Variants in PTPRZ1 observed in about 807,000 individuals in gnomAD.
PTPRZ1 encodes the protein protein tyrosine phosphatase receptor type Z1.
PTPRZ1 carries 82 observed loss-of-function variants against 214.1 expected under a neutral mutation model. The ratio of observed to expected loss-of-function variants is 0.38; its 90% CI spans 0.32 to 0.46. The LOEUF (loss-of-function observed/expected upper bound fraction) is 0.46. Ranked by LOEUF, PTPRZ1 falls within the 20% of genes least tolerant of loss-of-function variation. PTPRZ1 has a pLI of 1.00. For synonymous variants in PTPRZ1, 945 were observed against 987.9 expected (o/e 0.96, Z 0.81); for missense variants, 2,603 against 2,748.7 (o/e 0.95, Z 1.19).
intron 5 of PTPRZ1, 62 bp downstream of exon 5, chr7:121,976,330 G>T: frequency 1.0e-6 from 1 of 999,716 alleles, no homozygotes; most frequent in South Asian, 2.0e-5. Flanking sequence ...ATATTGACGT[G>T]AAATATCAAG....
At chr7:122,023,778 TA>T (rs1229913785) in intron 13 of PTPRZ1, among the ~76,000 whole-genome samples, 134 of 99,384 alleles carry the variant, frequency 1.3e-3, no homozygotes, top group Middle Eastern at 9.2e-3. Flanking sequence ...TTATATATAA[TA>T]TATATTATAT....
intron 23 of PTPRZ1, among the ~76,000 whole-genome samples, chr7:122,045,714 A>ACACACAC (rs1554369592): frequency 2.0e-5 from 3 of 150,984 alleles, no homozygotes; most frequent in Admixed American, 6.6e-5. Context: ...ACACACACAC[A>ACACACAC]ATATTACCCA....
At chr7:121,984,872 GT>G (rs1244868214) in intron 8 of PTPRZ1, among the ~76,000 whole-genome samples, 1 of 152,148 alleles carries the variant, frequency 6.6e-6, no homozygotes, top group East Asian at 1.9e-4. Flanking sequence ...GTCCTTTTCA[GT>G]TTTTACTGAG....
rs368081597 is a variant in PTPRZ1, at chr7:122,059,767, C to A, written c.6686C>A (p.Thr2229Lys). The A allele has an allele frequency of 2.5e-6, 4 of 1,610,048 alleles. No individual in the cohort carries two copies. The Admixed American group carries it at 5.1e-5, about 20-fold the overall frequency. ...TTTTTTACAAGGCATGGAGGAGTGACGGCAGGAACTTTCTGTGCTCTGACA... is the reference window on the plus strand; with the variant it reads ...TTTTTTACAAGGCATGGAGGAGTGAAGGCAGGAACTTTCTGTGCTCTGACA... ...MIVHDEHGGVTAGTFCALTTL... is the reference protein window; with the variant it reads ...MIVHDEHGGVKAGTFCALTTL... Residue 2229 changes from threonine (T) to lysine (K), a missense_variant, in exon 29 of 30, where the codon ACG becomes AAG. Around this residue, in one of 6 missense-constraint regions of PTPRZ1, gnomAD observed 165 missense variants for 151.4 expected, o/e 1.09. Transcript: ENST00000393386.
At chr7:121,997,164 T>C (rs926027461) in intron 9 of PTPRZ1, among the ~76,000 whole-genome samples, 1 of 152,142 alleles carries the variant, frequency 6.6e-6, no homozygotes, top group African/African-American at 2.4e-5. Context: ...TAGGGAAGTG[T>C]TGGCCATAGA....
Position 121,984,076 on chromosome 7 carries a change from T to G in PTPRZ1, c.887T>G (p.Val296Gly). The G allele has an allele frequency of 6.2e-7, 1 of 1,613,624 alleles. No individual in the cohort carries two copies. Among genetic ancestry groups the G allele is most frequent in the Non-Finnish European group, 8.5e-7 (1 of 1,179,708 alleles). ...REQQYKFSRQ[V>G]FSSYTGKEEI... ...CAACAGTACAAGTTCTCTAGACAGG[T>G]GTTTTCCTCATACACTGGAAAGGAA... is the stretch of plus-strand genomic sequence containing the variant. The change falls in exon 8 of 30, where the codon GTG becomes GGG. Residue 296 changes from valine (V) to glycine (G), a missense_variant. Physicochemically the swap from Val to Gly is moderately radical, Grantham distance 109. Transcript: ENST00000393386.
intron 8 of PTPRZ1, among the ~76,000 whole-genome samples, chr7:121,988,943 A>G (rs1464169978): frequency 1.3e-5 from 2 of 152,206 alleles, no homozygotes; most frequent in Non-Finnish European, 2.9e-5. Flanking sequence ...AGATCATTCC[A>G]GGAAAAGAAA....
chr7:121,981,796 A>G (rs1721856), intron 6 of PTPRZ1, among the ~76,000 whole-genome samples: 2 of 148,362 alleles, frequency 1.3e-5, no homozygotes, highest in South Asian at 4.2e-4. Context: ...GTGTGTGTGT[A>G]CACACACAAA....
intron 4 of PTPRZ1, 112 bp from the exon 5 acceptor site, chr7:121,976,058 AGTT>A (rs1797422314): frequency 3.4e-6 from 2 of 580,572 alleles, no homozygotes; most frequent in African/African-American, 3.6e-5. Context: ...TAGCAAATGT[AGTT>A]GTATACATGT....
At chr7:122,059,984 T>A in intron 29 of PTPRZ1, 96 bp downstream of exon 29, 1 of 1,196,488 alleles carries the variant, frequency 8.4e-7, no homozygotes, top group Non-Finnish European at 1.2e-6. Context: ...AAGATCTTAT[T>A]AACTGATAAC....
chr7:121,915,436 TA>T (rs1277815859), intron 1 of PTPRZ1, among the ~76,000 whole-genome samples: 1 of 152,188 alleles, frequency 6.6e-6, no homozygotes, highest in East Asian at 1.9e-4. Context: ...TTAAGTTAGT[TA>T]GAGGTGCATA....
intron 10 of PTPRZ1, among the ~76,000 whole-genome samples, chr7:121,998,345 T>G (rs550539864): frequency 2.6e-5 from 4 of 152,192 alleles, no homozygotes; most frequent in Non-Finnish European, 5.9e-5. Context: ...TGGTTTAATT[T>G]GTATTTATTT....
In PTPRZ1 at chr7:122,051,541, G is replaced by A. The variant is rs1562883534; in HGVS notation, c.6178+20G>A. ...TCCCTGGTAAGTTGTGTTGATCCTT[G>A]AAAAAACAACTTTTTTAAAATAATA... On this transcript the variant is annotated intron_variant, in intron 24 of 29. Coordinates refer to ENST00000393386, the MANE Select transcript of PTPRZ1 (RefSeq NM_002851.3). 1.9e-6 allele frequency: 3 copies of A among 1,586,230 alleles called. No homozygotes were observed. The highest frequency in any genetic ancestry group is 2.6e-6 in the Non-Finnish European group (3 of 1,164,228).
intron 2 of PTPRZ1, among the ~76,000 whole-genome samples, chr7:121,962,914 T>G (rs951080941): frequency 2.0e-5 from 3 of 152,158 alleles, no homozygotes; most frequent in African/African-American, 7.2e-5. Context: ...GTTTTTCTAC[T>G]CGTGGTGATT....
intron 27 of PTPRZ1, among the ~76,000 whole-genome samples, chr7:122,055,425 A>C (rs1435987154): frequency 6.6e-6 from 1 of 151,906 alleles, no homozygotes. Context: ...GTAATCCCTT[A>C]CCTTGTAAGT....
intron 27 of PTPRZ1, among the ~76,000 whole-genome samples, chr7:122,057,276 T>G (rs1385260252): frequency 6.6e-6 from 1 of 151,928 alleles, no homozygotes; most frequent in Non-Finnish European, 1.5e-5. Flanking sequence ...TCCTCATCAG[T>G]GCTTGTGCTG....
At chr7:121,910,443 G>A (rs1017443672) in intron 1 of PTPRZ1, among the ~76,000 whole-genome samples, 1 of 152,132 alleles carries the variant, frequency 6.6e-6, no homozygotes, top group African/African-American at 2.4e-5. Context: ...CAACATGTTT[G>A]TGGTTTGGAT....
intron 2 of PTPRZ1, among the ~76,000 whole-genome samples, chr7:121,954,413 A>G (rs536622877): frequency 6.6e-6 from 1 of 152,004 alleles, no homozygotes; most frequent in Admixed American, 6.6e-5. Context: ...ACAGCCATGC[A>G]CTCTGTCTTC....
chr7:121,995,508 A>G (rs975002177), intron 8 of PTPRZ1, among the ~76,000 whole-genome samples: 4 of 152,224 alleles, frequency 2.6e-5, no homozygotes, highest in African/African-American at 9.6e-5. Context: ...CATTTTGGAA[A>G]GTACCAGGGC....
Sources: allele counts gnomAD v4.1 joint callset (sites outside exome capture counted in the v4.1 genomes callset), GRCh38; gene constraint gnomAD v4.1.1; regional missense constraint gnomAD v4.1.1; transcripts MANE v1.5; gene names NCBI Gene and HGNC (gene_info 2026-07-23, HGNC 2026-07-21).